Variants in SCAPER observed in about 807,000 individuals in gnomAD.
SCAPER encodes S-phase cyclin A associated protein in the ER, also known as S phase cyclin A-associated protein in the endoplasmic reticulum.
Under a neutral mutation model 182.2 loss-of-function variants are expected in SCAPER, and 98 were observed. That is an observed-to-expected ratio of 0.54 (90% CI 0.46 to 0.64). The LOEUF is 0.64. Ranked by LOEUF, SCAPER falls within the 30% of genes least tolerant of loss-of-function variation. The pLI, the probability that SCAPER is intolerant of heterozygous loss-of-function variation, is 0.00. For missense variants in SCAPER, 1,432 were observed against 1,690.0 expected, an observed-to-expected ratio of 0.85 and a Z score of 2.68; for synonymous variants, 605 against 564.6, an observed-to-expected ratio of 1.07 and a Z score of -1.01.
chr15:76,684,795 G>C (rs1355491174), intron 20 of SCAPER, among the ~76,000 whole-genome samples: 1 of 151,728 alleles, frequency 6.6e-6, no homozygotes, highest in Non-Finnish European at 1.5e-5. Context: ...AACCAAGAAA[G>C]GACCAGGACC....
intron 27 of SCAPER, among the ~76,000 whole-genome samples, chr15:76,396,997 T>A (rs2044104593): frequency 6.7e-6 from 1 of 149,730 alleles, no homozygotes; most frequent in African/African-American, 2.5e-5. Context: ...CTCAACCCAA[T>A]TTTTTGAGAG....
chr15:76,399,899 G>C (rs2044337034), intron 27 of SCAPER, among the ~76,000 whole-genome samples: 2 of 152,038 alleles, frequency 1.3e-5, no homozygotes, highest in African/African-American at 4.8e-5. Flanking sequence ...CAGCTATTCG[G>C]GAGGCTGAGG....
At chr15:76,739,585 C>T (rs945597822) in intron 15 of SCAPER, among the ~76,000 whole-genome samples, 5 of 152,324 alleles carry the variant, frequency 3.3e-5, no homozygotes, top group African/African-American at 7.2e-5. Context: ...GAATGATTTA[C>T]GTCCGGGACA....
chr15:76,826,930 C>T (rs2068066126), intron 5 of SCAPER, among the ~76,000 whole-genome samples: 1 of 152,156 alleles, frequency 6.6e-6, no homozygotes, highest in African/African-American at 2.4e-5. Flanking sequence ...TTTTTAAGAT[C>T]ACATTCAGAT....
chr15:76,805,621 G>A (rs920387317), intron 5 of SCAPER, among the ~76,000 whole-genome samples: 1 of 148,520 alleles, frequency 6.7e-6, no homozygotes, highest in Non-Finnish European at 1.5e-5. Context: ...GTGCAGTGGC[G>A]TGATCTCAGC....
intron 17 of SCAPER, among the ~76,000 whole-genome samples, chr15:76,715,089 C>T (rs914853035): frequency 6.6e-6 from 1 of 152,064 alleles, no homozygotes; most frequent in South Asian, 2.1e-4. Flanking sequence ...GCGCACCCTC[C>T]TCTTAAACTG....
chr15:76,766,854 C>A (rs2063148614), intron 11 of SCAPER, 64 bp downstream of exon 11: 3 of 1,371,964 alleles, frequency 2.2e-6, no homozygotes, highest in East Asian at 4.8e-5. Flanking sequence ...GTCTTTCTGG[C>A]CCAGATAATT....
intron 24 of SCAPER, among the ~76,000 whole-genome samples, chr15:76,490,776 T>C (rs2052217104): frequency 6.6e-6 from 1 of 152,224 alleles, no homozygotes; most frequent in Non-Finnish European, 1.5e-5. Context: ...TCAGGTCTTA[T>C]GTTTAAGTCT....
At chr15:76,825,413 G>T (rs113585054) in intron 5 of SCAPER, among the ~76,000 whole-genome samples, 1 of 152,064 alleles carries the variant, frequency 6.6e-6, no homozygotes, top group Admixed American at 6.6e-5. Context: ...CCTACGGGCC[G>T]TATCAAGTAT....
intron 21 of SCAPER, among the ~76,000 whole-genome samples, chr15:76,657,339 A>G (rs748937361): frequency 2.0e-5 from 3 of 152,112 alleles, no homozygotes; most frequent in Non-Finnish European, 2.9e-5. Context: ...ACCTTTCAAG[A>G]TTGAATGAGG....
intron 9 of SCAPER, chr15:76,774,363 C>A: frequency 2.7e-6 from 1 of 374,252 alleles, no homozygotes; most frequent in Admixed American, 3.8e-5. Flanking sequence ...ATTAAAGAAA[C>A]ATACCAAATG....
chr15:76,656,174 G>A (rs556548364), intron 21 of SCAPER, among the ~76,000 whole-genome samples: 6 of 152,250 alleles, frequency 3.9e-5, no homozygotes, highest in Admixed American at 3.3e-4. Flanking sequence ...CTCACAAGCA[G>A]TGATAGCCAC....
At chr15:76,646,582 T>C (rs2054567752) in intron 21 of SCAPER, among the ~76,000 whole-genome samples, 1 of 152,202 alleles carries the variant, frequency 6.6e-6, no homozygotes, top group South Asian at 2.1e-4. Flanking sequence ...CACAGTCCAA[T>C]GATTAGAACT....
chr15:76,632,730 T>A (rs2439982), intron 21 of SCAPER, among the ~76,000 whole-genome samples: 1 of 150,954 alleles, frequency 6.6e-6, no homozygotes, highest in Non-Finnish European at 1.5e-5. Context: ...CTTTCTCATC[T>A]TCATGGATTT....
chr15:76,874,876 T>G (rs985280383), intron 2 of SCAPER, among the ~76,000 whole-genome samples: 1 of 152,114 alleles, frequency 6.6e-6, no homozygotes, highest in African/African-American at 2.4e-5. Flanking sequence ...GGCAGGAGGA[T>G]CACTGGAGCC....
intron 23 of SCAPER, among the ~76,000 whole-genome samples, chr15:76,554,332 A>G (rs986754124): frequency 6.6e-6 from 1 of 152,242 alleles, no homozygotes; most frequent in African/African-American, 2.4e-5. Flanking sequence ...ATGGGATTAC[A>G]TAAAGATACT....
At chr15:76,580,249 T>C (rs1231355364) in intron 22 of SCAPER, among the ~76,000 whole-genome samples, 2 of 152,204 alleles carry the variant, frequency 1.3e-5, no homozygotes, top group East Asian at 3.9e-4. Context: ...TGGATCATTC[T>C]CATGGACAGT....
At chr15:76,671,111 C>T (rs893727223) in intron 20 of SCAPER, among the ~76,000 whole-genome samples, 3 of 151,240 alleles carry the variant, frequency 2.0e-5, no homozygotes, top group Non-Finnish European at 3.0e-5. Flanking sequence ...GAGGCAGAGG[C>T]GGGTGGATCG....
chr15:76,767,880 CAAGTAA>C (rs1477089572), intron 10 of SCAPER, among the ~76,000 whole-genome samples: 2 of 151,800 alleles, frequency 1.3e-5, no homozygotes, highest in Non-Finnish European at 2.9e-5. Context: ...AAACAGATTA[CAAGTAA>C]AAGGTCTATG....
Sources: gnomAD v4.1 joint callset for allele counts (sites outside exome capture counted in the v4.1 genomes callset) on GRCh38, gnomAD v4.1.1 for gene constraint, MANE v1.5 for transcripts, NCBI Gene and HGNC (gene_info 2026-07-23, HGNC 2026-07-21) for gene names.